The following DOP1B variants were observed in gnomAD, a reference collection of about 807,000 sequenced individuals.
DOP1B encodes protein DOP1B.
A neutral mutation model predicts 233.5 loss-of-function variants in DOP1B; 174 were observed. That is an observed-to-expected ratio of 0.75 (90% CI 0.66 to 0.85). The LOEUF (loss-of-function observed/expected upper bound fraction) is 0.85, where lower values mean the gene tolerates loss of function less well. Ranked by LOEUF, DOP1B falls within the 40% of genes least tolerant of loss-of-function variation. The pLI is 0.00. For missense variants in DOP1B, 2,652 were observed against 2,846.6 expected (o/e 0.93, Z 1.56); for synonymous variants, 1,190 against 1,185.6 (o/e 1.00, Z -0.08).
At chr21:36,172,790 T>C (rs1465574690) in intron 2 of DOP1B, among the ~76,000 whole-genome samples, 1 of 151,846 alleles carries the variant, frequency 6.6e-6, no homozygotes, top group Non-Finnish European at 1.5e-5. Context: ...ATCGTCACAT[T>C]TCTTGGACTT....
rs371214615 is a variant in DOP1B, at chr21:36,245,835, C to T, written c.3855C>T (p.His1285=). 4 of 1,613,838 alleles carry T rather than the reference C, an allele frequency of 2.5e-6. No individual in the cohort carries two copies. The African/African-American group carries it at 4.0e-5, about 16-fold the overall frequency. The change falls in exon 19 of 37, where the codon CAC becomes CAT. Residue 1285 remains histidine, a synonymous_variant. Transcript: ENST00000691173. The surrounding 1 kb of genome is among the most constrained non-coding windows in gnomAD (Gnocchi z 5.5). ...LNLISNLLAR[H]QEALIGQSFY... ...TCATCTCCAACCTCCTCGCTCGCCACCAGGAGGCCCTCATTGGCCAGAGTT... is the reference window on the plus strand; with the variant it reads ...TCATCTCCAACCTCCTCGCTCGCCATCAGGAGGCCCTCATTGGCCAGAGTT...
At chr21:36,255,571 C>G (rs2067086129) in intron 23 of DOP1B, among the ~76,000 whole-genome samples, 1 of 151,750 alleles carries the variant, frequency 6.6e-6, no homozygotes, top group Admixed American at 6.6e-5. Flanking sequence ...TAGCTGAGAC[C>G]ACACATGCAC....
chr21:36,212,015 C>G lies in DOP1B; in HGVS notation c.822C>G (p.Ile274Met). 3 of 1,614,022 alleles carry G rather than the reference C, an allele frequency of 1.9e-6. No individual in the cohort carries two copies. Among genetic ancestry groups the G allele is most frequent in the Non-Finnish European group, 2.5e-6 (3 of 1,179,966 alleles). Residue 274 changes from isoleucine to methionine, a missense_variant, in exon 7 of 37, where the codon ATC becomes ATG. Physicochemically the swap from Ile to Met is conservative, Grantham distance 10. Transcript: ENST00000691173. ...ERAIPLLRSD[I>M]VRILSAATQT... is the part of the protein sequence containing the mutation. Reference sequence around the variant, plus strand: ...CCATCCCCCTCCTCAGATCTGACATCGTGCGCATTCTCTCAGCCGCCACCC... The same window carrying G: ...CCATCCCCCTCCTCAGATCTGACATGGTGCGCATTCTCTCAGCCGCCACCC...
chr21:36,253,652 A>AAT, intron 22 of DOP1B, 120 bp from the exon 23 acceptor site: 1 of 1,163,936 alleles, frequency 8.6e-7, no homozygotes, highest in Non-Finnish European at 1.2e-6. Flanking sequence ...AAAAAAAAAA[A>AAT]GAGATGAAAA....
In DOP1B at chr21:36,293,650, G is replaced by T. The variant is rs2146264317; in HGVS notation, c.*79G>T. On this transcript the variant is annotated 3_prime_UTR_variant, in exon 37 of 37. Coordinates refer to ENST00000691173, the MANE Select transcript of DOP1B (RefSeq NM_001320714.2). ...GGTTATATTCTAAAGAAGAAAGAAG[G>T]CAGGATAGTGCTTTTGAACAAGCCT... 2 of 1,469,056 alleles carry T rather than the reference G, an allele frequency of 1.4e-6. No individual in the cohort carries two copies. The highest frequency in any genetic ancestry group is 2.5e-5 in the South Asian group (2 of 79,384). The allele number at this position is 1,469,056 out of a possible 1,614,324, so 91.0% of individuals were successfully genotyped here.
At chr21:36,261,459 T>C in intron 24 of DOP1B, 2 of 985,912 alleles carry the variant, frequency 2.0e-6, no homozygotes. Context: ...CTGCTTTGAT[T>C]TGCTAAGTTA....
chr21:36,232,860 T>A lies in DOP1B; in HGVS notation c.2407T>A (p.Cys803Ser). ...GAAGTCCCTCATGACTATTTGCTGC[T>A]GTGTGACTGACTGCTACCTCCAGAA... The part of the protein sequence containing the change: ...WLKSLMTICC[C>S]VTDCYLQNVA... The change falls in exon 15 of 37, where the codon TGT becomes AGT. Residue 803 changes from cysteine to serine, a missense_variant. By Grantham distance (112) the Cys-to-Ser change is moderately radical. Coordinates refer to ENST00000691173, the MANE Select transcript of DOP1B (RefSeq NM_001320714.2). The A allele has an allele frequency of 6.2e-7, 1 of 1,613,846 alleles. No homozygotes were observed.
chr21:36,200,809 C>G (rs2066355525), intron 4 of DOP1B, among the ~76,000 whole-genome samples: 1 of 151,212 alleles, frequency 6.6e-6, no homozygotes, highest in Admixed American at 6.6e-5. Flanking sequence ...CACCACTGCA[C>G]TCCAGCCTGG....
At chr21:36,268,148 A>C (rs1010602752) in intron 26 of DOP1B, among the ~76,000 whole-genome samples, 4 of 152,144 alleles carry the variant, frequency 2.6e-5, no homozygotes, top group African/African-American at 9.7e-5. Context: ...AGGGTACTGC[A>C]GGAGACCAGG....
At position 36,159,339 on chromosome 21, in the gene DOP1B, T is replaced by C. The variant is rs1601366767; in HGVS notation, c.-27+2396T>C. On this transcript the variant is annotated intron_variant, in intron 1 of 36. Transcript: ENST00000691173. ...GGTGGCACCTGCCTGTAATCCCAGGTACTCAGGAGGCTGAGGCAGGAGAAT... is the reference window on the plus strand; with the variant it reads ...GGTGGCACCTGCCTGTAATCCCAGGCACTCAGGAGGCTGAGGCAGGAGAAT... 3.9e-5 allele frequency among the ~76,000 whole-genome samples: 6 copies of C among 152,050 alleles called. No homozygotes were observed. The South Asian group carries it at 1.2e-3, about 32-fold the overall frequency.
At chr21:36,268,020 GGTGCACGTATT>G (rs1341482622) in intron 26 of DOP1B, among the ~76,000 whole-genome samples, 1 of 152,100 alleles carries the variant, frequency 6.6e-6, no homozygotes, top group Non-Finnish European at 1.5e-5. Context: ...TATGTTCAGC[GGTGCACGTATT>G]GTCTTGATAA....
intron 2 of DOP1B, among the ~76,000 whole-genome samples, chr21:36,187,219 C>G (rs549618912): frequency 6.9e-6 from 1 of 145,220 alleles, no homozygotes; most frequent in African/African-American, 2.5e-5. Flanking sequence ...CCCCTCCTCT[C>G]CCCTCCCTTC....
chr21:36,234,015 G>A (rs1393112153), intron 15 of DOP1B, among the ~76,000 whole-genome samples: 1 of 151,952 alleles, frequency 6.6e-6, no homozygotes, highest in Non-Finnish European at 1.5e-5. Context: ...CACCACACCT[G>A]GCTAATTTTT....
At position 36,210,129 on chromosome 21, in the gene DOP1B, G is replaced by A. The variant is rs553042320; in HGVS notation, c.681+1225G>A. Among the ~76,000 whole-genome samples the A allele has an allele frequency of 5.9e-5, 9 of 152,070 alleles. No individual in the cohort carries two copies. In the South Asian group the frequency reaches 1.5e-3, roughly 25 times the overall value. Reference sequence around the variant, plus strand: ...TGTCTCTTACTCTTGGATCTGACTGGTTTCTTCCCATCCCAAATCTGCTAA... The same window carrying A: ...TGTCTCTTACTCTTGGATCTGACTGATTTCTTCCCATCCCAAATCTGCTAA... On this transcript the variant is annotated intron_variant, in intron 5 of 36. Coordinates refer to ENST00000691173, the MANE Select transcript of DOP1B (RefSeq NM_001320714.2).
chr21:36,268,043 CATCTT>C (rs377375566), intron 26 of DOP1B, among the ~76,000 whole-genome samples: 2 of 152,144 alleles, frequency 1.3e-5, no homozygotes, highest in African/African-American at 2.4e-5. Flanking sequence ...TCTTGATAAA[CATCTT>C]ATCTTAACAG....
intron 32 of DOP1B, among the ~76,000 whole-genome samples, chr21:36,286,963 CA>C (rs879698526): frequency 0.013 from 1,723 of 129,874 alleles, 30 homozygotes; most frequent in African/African-American, 0.039. Context: ...GACTCCATCT[CA>C]AAAAAAAAAA....
At chr21:36,252,531 A>G (rs1313431866) in intron 22 of DOP1B, among the ~76,000 whole-genome samples, 1 of 149,924 alleles carries the variant, frequency 6.7e-6, no homozygotes. Context: ...TCATATTTCT[A>G]TGCCCAAAGA....
rs539487555 is a variant in DOP1B at position 36,245,943 on chromosome 21, C to T, written c.3963C>T (p.Ser1321=). The change falls in exon 19 of 37, where the codon AGC becomes AGT. Residue 1321 remains serine, a synonymous_variant. Transcript: ENST00000691173. This position sits in a 1 kb window ranked among gnomAD's most constrained non-coding sequence, Gnocchi z 5.5. ...AGCTGCTCACCTACCTCTGCCTGAGCTTCCTGCGCTCCTACTACCCTTGCT... is the reference window on the plus strand; with the variant it reads ...AGCTGCTCACCTACCTCTGCCTGAGTTTCCTGCGCTCCTACTACCCTTGCT... ...LLELLTYLCL[S]FLRSYYPCYL... 9 of 1,613,920 alleles carry T rather than the reference C, an allele frequency of 5.6e-6. No individual in the cohort carries two copies. The highest frequency in any genetic ancestry group is 1.3e-5 in the African/African-American group (1 of 74,916).
intron 26 of DOP1B, among the ~76,000 whole-genome samples, chr21:36,264,471 T>C (rs1256721449): frequency 6.6e-6 from 1 of 151,872 alleles, no homozygotes; most frequent in East Asian, 1.9e-4. Context: ...TTTTCTTTTT[T>C]TTTTTTTTGG....
Sources: allele counts gnomAD v4.1 joint callset (sites outside exome capture counted in the v4.1 genomes callset), GRCh38; gene constraint gnomAD v4.1.1; non-coding constraint Gnocchi (gnomAD v3.1); transcripts MANE v1.5; gene names NCBI Gene and HGNC (gene_info 2026-07-23, HGNC 2026-07-21).